Variants in PIP4K2A observed in about 807,000 individuals in gnomAD.
PIP4K2A encodes phosphatidylinositol-5-phosphate 4-kinase type 2 alpha, also known as phosphatidylinositol 5-phosphate 4-kinase type-2 alpha.
In PIP4K2A, 14 loss-of-function variants were observed where a neutral mutation model predicts 42.9. The ratio of observed to expected loss-of-function variants is 0.33; its 90% CI spans 0.22 to 0.51. The LOEUF is 0.51. Ranked by LOEUF, PIP4K2A falls within the 20% of genes least tolerant of loss-of-function variation. PIP4K2A has a pLI of 0.97. For synonymous variants in PIP4K2A, 192 were observed against 192.2 expected, an observed-to-expected ratio of 1.00 and a Z score of 0.01; for missense variants, 434 against 519.8, an observed-to-expected ratio of 0.83 and a Z score of 1.61.
At chr10:22,683,194 T>G (rs1839696691) in intron 1 of PIP4K2A, among the ~76,000 whole-genome samples, 1 of 152,218 alleles carries the variant, frequency 6.6e-6, no homozygotes, top group Non-Finnish European at 1.5e-5. Context: ...CAAGGGCAGC[T>G]ATCTGAGCTG....
intron 1 of PIP4K2A, among the ~76,000 whole-genome samples, chr10:22,622,507 C>A (rs1838353376): frequency 6.6e-6 from 1 of 152,236 alleles, no homozygotes; most frequent in Non-Finnish European, 1.5e-5. Context: ...CCCTGCTCTG[C>A]TGCAATCGCA....
chr10:22,659,844 A>C (rs1160712732), intron 1 of PIP4K2A: 1 of 152,118 alleles, frequency 6.6e-6, no homozygotes, highest in Non-Finnish European at 1.5e-5. Context: ...CCAACAACAA[A>C]AAAAATAGGG....
rs71394001 is a variant in PIP4K2A, at chr10:22,561,565, GTTTT to G, written c.678+6282_678+6285del. 1.3e-3 allele frequency among the ~76,000 whole-genome samples: 147 copies of G among 113,492 alleles called. 18 individuals are homozygous for G. Among genetic ancestry groups the G allele is most frequent in the African/African-American group, 4.7e-3 (133 of 28,348 alleles). The allele number at this position is 113,492 out of a possible 152,430, so 74.5% of individuals were successfully genotyped here. On this transcript the variant is annotated intron_variant, in intron 6 of 9. Transcript: ENST00000376573. ...TATGTCACCAGAGATTCTCTACGCA[GTTTT>G]TTTTTTTTTTTTTTTTTTTTTTCTG...
At chr10:22,588,388 C>T (rs928344522) in intron 4 of PIP4K2A, among the ~76,000 whole-genome samples, 1 of 152,154 alleles carries the variant, frequency 6.6e-6, no homozygotes, top group Non-Finnish European at 1.5e-5. Flanking sequence ...GTGGGGAACT[C>T]CTTAGAGTCA....
At chr10:22,708,472 G>A (rs1215452027) in intron 1 of PIP4K2A, among the ~76,000 whole-genome samples, 1 of 152,038 alleles carries the variant, frequency 6.6e-6, no homozygotes, top group African/African-American at 2.4e-5. Flanking sequence ...CATCCTACAT[G>A]GTACTGTAAC....
intron 4 of PIP4K2A, among the ~76,000 whole-genome samples, chr10:22,574,198 G>GT (rs68109870): frequency 0.11 from 72 of 676 alleles, 1 homozygote; most frequent in African/African-American, 0.38. Context: ...TTCATAAAAC[G>GT]GGTCCCTCTG....
intron 1 of PIP4K2A, among the ~76,000 whole-genome samples, chr10:22,652,961 G>A (rs555692946): frequency 3.3e-5 from 5 of 152,166 alleles, no homozygotes; most frequent in Non-Finnish European, 7.3e-5. Context: ...GAGAGTGGTG[G>A]TACACACCTT....
In PIP4K2A at chr10:22,601,130, CAAAAAAAAAAAAAAAA is replaced by C. The variant is rs1188396077; in HGVS notation, c.339+6781_339+6796del. On this transcript the variant is annotated intron_variant, in intron 3 of 9. Coordinates refer to ENST00000376573, the MANE Select transcript of PIP4K2A (RefSeq NM_005028.5). ...CCTGGGCAACAGAGCGAGACTGTCT[CAAAAAAAAAAAAAAAA>C]AAAAAAAAAAAAAAAAACAAACCAG... 5.0e-4 allele frequency among the ~76,000 whole-genome samples: 16 copies of C among 31,926 alleles called. 1 individual carries two copies. Among genetic ancestry groups the C allele is most frequent in the African/African-American group, 9.0e-4 (14 of 15,640 alleles). The allele number at this position is 31,926 out of a possible 152,430, so 20.9% of individuals were successfully genotyped here.
At chr10:22,539,906 AGAGAGGGAGAGAGAGAGAGAGAGAGG>A (rs1308178293) in intron 9 of PIP4K2A, 39 bp downstream of exon 9, 5 of 337,160 alleles carry the variant, frequency 1.5e-5, no homozygotes, top group African/African-American at 1.1e-4. Flanking sequence ...AGAGAGAGAG[AGAGAGGGAGAGAGAGAGAGAGAGAGG>A]GAGAGAAAGA....
At chr10:22,645,546 C>T (rs1176961450) in intron 1 of PIP4K2A, among the ~76,000 whole-genome samples, 2 of 110,960 alleles carry the variant, frequency 1.8e-5, no homozygotes, top group Non-Finnish European at 3.8e-5. Flanking sequence ...GATTCTATTT[C>T]TTTAAAAAAA....
At chr10:22,618,592 T>C (rs989751579) in intron 1 of PIP4K2A, among the ~76,000 whole-genome samples, 60 of 152,262 alleles carry the variant, frequency 3.9e-4, no homozygotes, top group African/African-American at 1.4e-3. Context: ...TTCCATAATG[T>C]CACCTAAAAA....
intron 7 of PIP4K2A, among the ~76,000 whole-genome samples, chr10:22,545,241 C>T (rs1402222611): frequency 6.6e-6 from 1 of 152,244 alleles, no homozygotes; most frequent in East Asian, 1.9e-4. Context: ...CAACAGAAAA[C>T]TTTTGTCTGA....
Position 22,603,698 on chromosome 10 carries a change from A to G in PIP4K2A, c.339+4229T>C, listed in dbSNP as rs566208455. ...AGGTACAAACAAATACTTTGACTGGATAATTATGCATGAAATCCCAGACCT... is the reference window on the plus strand; with the variant it reads ...AGGTACAAACAAATACTTTGACTGGGTAATTATGCATGAAATCCCAGACCT... On this transcript the variant is annotated intron_variant, in intron 3 of 9. Transcript: ENST00000376573. 2.6e-5 allele frequency among the ~76,000 whole-genome samples: 4 copies of G among 152,292 alleles called. No individual in the cohort carries two copies. The East Asian group carries it at 7.7e-4, about 29-fold the overall frequency.
chr10:22,621,234 A>G (rs1838324114), intron 1 of PIP4K2A, among the ~76,000 whole-genome samples: 2 of 152,144 alleles, frequency 1.3e-5, no homozygotes, highest in African/African-American at 4.8e-5. Context: ...AAACCAATCA[A>G]TCCCCTAAGC....
intron 1 of PIP4K2A, among the ~76,000 whole-genome samples, chr10:22,663,399 T>C (rs1295351602): frequency 6.6e-6 from 1 of 152,238 alleles, no homozygotes; most frequent in African/African-American, 2.4e-5. Flanking sequence ...TTGTGTATAA[T>C]TTCCATATGG....
chr10:22,678,944 A>G (rs1395641903), intron 1 of PIP4K2A, among the ~76,000 whole-genome samples: 1 of 152,252 alleles, frequency 6.6e-6, no homozygotes, highest in Admixed American at 6.5e-5. Flanking sequence ...CTTTTTAAAA[A>G]TACAGCAGAA....
intron 7 of PIP4K2A, among the ~76,000 whole-genome samples, chr10:22,549,815 T>C (rs2130757736): frequency 9.2e-6 from 1 of 108,594 alleles, no homozygotes; most frequent in Non-Finnish European, 1.7e-5. Context: ...CACTCCAGCC[T>C]AGAAGACAGT....
intron 1 of PIP4K2A, among the ~76,000 whole-genome samples, chr10:22,632,451 T>C (rs1564449628): frequency 6.6e-6 from 1 of 152,234 alleles, no homozygotes; most frequent in Non-Finnish European, 1.5e-5. Context: ...ACATTGTTTT[T>C]CTCCCTAATA....
rs1564460223 is a variant in PIP4K2A at position 22,664,170 on chromosome 10, T to TATATATATATAC, written c.144+50001_144+50012dup. ...ATATATACACATATATATATATACATATATATATATACATATATATACATA... is the reference window on the plus strand; with the variant it reads ...ATATATACACATATATATATATACATATATATATATACATATATATATACATATATATACATA... On this transcript the variant is annotated intron_variant, in intron 1 of 9. Coordinates refer to ENST00000376573, the MANE Select transcript of PIP4K2A (RefSeq NM_005028.5). Among the ~76,000 whole-genome samples the TATATATATATAC allele has an allele frequency of 1.3e-4, 8 of 61,812 alleles. 1 individual carries two copies. In the East Asian group the frequency reaches 2.0e-3, roughly 15 times the overall value. The allele number at this position is 61,812 out of a possible 152,430, so 40.6% of individuals were successfully genotyped here.
Sources: gnomAD v4.1 joint callset for allele counts (sites outside exome capture counted in the v4.1 genomes callset) on GRCh38, gnomAD v4.1.1 for gene constraint, MANE v1.5 for transcripts, NCBI Gene and HGNC (gene_info 2026-07-23, HGNC 2026-07-21) for gene names.